The following LRRK2 variants were observed in gnomAD, a reference collection of about 807,000 sequenced individuals.
LRRK2 encodes leucine rich repeat kinase 2, also known as leucine-rich repeat serine/threonine-protein kinase 2.
LRRK2 carries 203 observed loss-of-function variants against 302.6 expected under a neutral mutation model. That is an observed-to-expected ratio of 0.67 (90% CI 0.60 to 0.75). The LOEUF is 0.75. Among genes scored for constraint, LRRK2 ranks in the 30% least tolerant of loss-of-function variants. The pLI, the probability that LRRK2 is intolerant of heterozygous loss-of-function variation, is 0.00. For synonymous variants in LRRK2, 1,066 were observed against 1,031.9 expected, an observed-to-expected ratio of 1.03 and a Z score of -0.63; for missense variants, 2,830 against 2,951.0, an observed-to-expected ratio of 0.96 and a Z score of 0.95.
intron 19 of LRRK2, among the ~76,000 whole-genome samples, chr12:40,284,979 C>T (rs1943861687): frequency 6.6e-6 from 1 of 152,116 alleles, no homozygotes; most frequent in African/African-American, 2.4e-5. Flanking sequence ...GAAAAGTACC[C>T]ATCCATGCAA....
intron 34 of LRRK2, among the ~76,000 whole-genome samples, chr12:40,320,787 T>TA (rs778011282): frequency 6.6e-6 from 1 of 152,056 alleles, no homozygotes; most frequent in Non-Finnish European, 1.5e-5. Context: ...CTAATTGTAA[T>TA]AATTTATGTA....
At chr12:40,348,868 G>C (rs571800172) in intron 43 of LRRK2, among the ~76,000 whole-genome samples, 117 of 151,920 alleles carry the variant, frequency 7.7e-4, no homozygotes, top group African/African-American at 2.8e-3. Context: ...TCGAGCTGGT[G>C]GCTTGCTTTT....
Position 40,335,119 on chromosome 12 carries a change from ACAG to A in LRRK2, c.5913_5915del (p.Gln1971del). On this transcript the variant is annotated inframe_deletion, in exon 40 of 51. Coordinates refer to ENST00000298910, the MANE Select transcript of LRRK2 (RefSeq NM_198578.4). ...ACAAAGCCAGCCTCACTAGAACCCTACAGCACAGGATTGCACTCCACGTAGCTG... is the reference window on the plus strand; with the variant it reads ...ACAAAGCCAGCCTCACTAGAACCCTACACAGGATTGCACTCCACGTAGCTG... 6.2e-7 allele frequency: 1 copy of A among 1,614,080 alleles called. No homozygotes were observed.
chr12:40,253,810 G>A (rs1187646385), intron 11 of LRRK2, among the ~76,000 whole-genome samples: 2 of 152,186 alleles, frequency 1.3e-5, no homozygotes, highest in African/African-American at 4.8e-5. Context: ...AAACACCAGT[G>A]ATCACTTTCC....
intron 20 of LRRK2, among the ~76,000 whole-genome samples, chr12:40,291,294 G>T (rs1040096421): frequency 6.6e-6 from 1 of 151,822 alleles, no homozygotes; most frequent in African/African-American, 2.4e-5. Flanking sequence ...TGGGGGGAAG[G>T]GGGAGGGATA....
At chr12:40,359,581 C>A in intron 47 of LRRK2, 137 bp downstream of exon 47, 1 of 846,898 alleles carries the variant, frequency 1.2e-6, no homozygotes, top group Non-Finnish European at 1.7e-6. Context: ...TAAAATTAAA[C>A]TTTCATTATA....
At chr12:40,327,909 T>C (rs1334078720) in intron 38 of LRRK2, among the ~76,000 whole-genome samples, 1 of 152,208 alleles carries the variant, frequency 6.6e-6, no homozygotes, top group African/African-American at 2.4e-5. Flanking sequence ...TTTGTCTTGT[T>C]ATCATCAGCT....
intron 31 of LRRK2, among the ~76,000 whole-genome samples, chr12:40,311,346 CT>C (rs34073574): frequency 0.69 from 104,855 of 151,140 alleles, 36,595 homozygotes; most frequent in African/African-American, 0.77. Context: ...AGAGAGAACA[CT>C]TTTTTTTTTA....
chr12:40,349,330 A>G (rs775663568), intron 43 of LRRK2, among the ~76,000 whole-genome samples: 2 of 151,742 alleles, frequency 1.3e-5, no homozygotes, highest in Non-Finnish European at 2.9e-5. Flanking sequence ...TCCTCTCCCT[A>G]TTTATTTTTC....
chr12:40,302,090 A>G (rs1944651403), intron 25 of LRRK2, among the ~76,000 whole-genome samples: 1 of 152,162 alleles, frequency 6.6e-6, no homozygotes, highest in African/African-American at 2.4e-5. Flanking sequence ...AGGCAGGAGA[A>G]TCTCTTGAAC....
chr12:40,315,822 G>T (rs4767969), intron 33 of LRRK2, among the ~76,000 whole-genome samples: 85,773 of 151,436 alleles, frequency 0.57, 24,402 homozygotes, highest in South Asian at 0.7. Context: ...TTCTCCAAAT[G>T]ATAATCCATT....
chr12:40,248,320 A>T (rs2136464126), intron 7 of LRRK2, among the ~76,000 whole-genome samples: 1 of 152,312 alleles, frequency 6.6e-6, no homozygotes, highest in Non-Finnish European at 1.5e-5. Context: ...TTGACTGCCA[A>T]ATTGTCTAGA....
At chr12:40,358,059 T>C (rs1946595617) in intron 46 of LRRK2, among the ~76,000 whole-genome samples, 2 of 151,816 alleles carry the variant, frequency 1.3e-5, no homozygotes, top group Admixed American at 1.3e-4. Flanking sequence ...TGAGCCACCA[T>C]ACCCAGCCCT....
chr12:40,287,444 CT>C lies in LRRK2; in HGVS notation c.2595del (p.Glu866LysfsTer39). On this transcript the variant is annotated frameshift_variant, in exon 20 of 51. Coordinates refer to ENST00000298910, the MANE Select transcript of LRRK2 (RefSeq NM_198578.4). LOFTEE classifies it high-confidence loss of function. ...GTASGSDGNF[S>X]EDVLSKFDEW... ...GCCTCAGGCAGCGATGGAAATTTTT[CT>C]GAAGATGTGCTGTCTAAATTTGATG... 1 of 1,612,780 alleles carries C rather than the reference CT, an allele frequency of 6.2e-7. No homozygotes were observed. The highest frequency in any genetic ancestry group is 8.5e-7 in the Non-Finnish European group (1 of 1,179,142).
intron 40 of LRRK2, among the ~76,000 whole-genome samples, chr12:40,336,531 G>C (rs1043508622): frequency 2.0e-5 from 3 of 152,168 alleles, no homozygotes; most frequent in Non-Finnish European, 4.4e-5. Context: ...GTAGGGGAAG[G>C]GGGAGAAAGG....
At position 40,278,281 on chromosome 12, in the gene LRRK2, C is replaced by T; in HGVS notation, c.2241+20C>T. ...TGTCAGGTAAATATTCAAGGCCTCA[C>T]TTTTGTCTTTGCTCAGTATTCTTAT... On this transcript the variant is annotated intron_variant, in intron 18 of 50. Coordinates refer to ENST00000298910, the MANE Select transcript of LRRK2 (RefSeq NM_198578.4). The T allele has an allele frequency of 6.2e-7, 1 of 1,613,908 alleles. No homozygotes were observed. Among genetic ancestry groups the T allele is most frequent in the South Asian group, 1.1e-5 (1 of 91,078 alleles).
In LRRK2 at chr12:40,260,343, G is replaced by T. The variant is rs531290274; in HGVS notation, c.1543+739G>T. Reference sequence around the variant, plus strand: ...ATATATAAAAGGCTTTGAGAATATCGATGGAGGCACAAATAATTTCTTCAA... The same window carrying T: ...ATATATAAAAGGCTTTGAGAATATCTATGGAGGCACAAATAATTTCTTCAA... On this transcript the variant is annotated intron_variant, in intron 13 of 50. Transcript: ENST00000298910. Among the ~76,000 whole-genome samples, 6 of 151,890 alleles carry T rather than the reference G, an allele frequency of 4.0e-5. No homozygotes were observed. In the South Asian group the frequency reaches 1.2e-3, roughly 32 times the overall value.
At chr12:40,331,828 C>T (rs1945720398) in intron 39 of LRRK2, among the ~76,000 whole-genome samples, 1 of 152,096 alleles carries the variant, frequency 6.6e-6, no homozygotes, top group Non-Finnish European at 1.5e-5. Flanking sequence ...AGGTACTCAC[C>T]ATAGGATTGG....
chr12:40,272,383 G>A (rs952410235), intron 14 of LRRK2, among the ~76,000 whole-genome samples: 3 of 152,182 alleles, frequency 2.0e-5, no homozygotes, highest in Non-Finnish European at 4.4e-5. Flanking sequence ...CTTGTGCTTT[G>A]ACTTGTGTGC....
Sources: allele counts gnomAD v4.1 joint callset (sites outside exome capture counted in the v4.1 genomes callset), GRCh38; gene constraint gnomAD v4.1.1; transcripts MANE v1.5; gene names NCBI Gene and HGNC (gene_info 2026-07-23, HGNC 2026-07-21).